Variants in ANTXR2 observed in about 807,000 individuals in gnomAD.
ANTXR2 encodes anthrax toxin receptor 2.
Under a neutral mutation model 73.7 loss-of-function variants are expected in ANTXR2, and 44 were observed. The observed-to-expected ratio is 0.60, with a 90% CI of 0.47 to 0.77. ANTXR2 has a LOEUF of 0.77. Ranked by LOEUF, ANTXR2 falls within the 30% of genes least tolerant of loss-of-function variation. The pLI is 0.00. For missense variants in ANTXR2, 604 were observed against 592.5 expected, an observed-to-expected ratio of 1.02 and a Z score of -0.20; for synonymous variants, 217 against 205.9, an observed-to-expected ratio of 1.05 and a Z score of -0.46.
intron 12 of ANTXR2, among the ~76,000 whole-genome samples, chr4:79,990,706 G>A (rs1195997905): frequency 3.3e-5 from 5 of 152,014 alleles, no homozygotes; most frequent in African/African-American, 1.2e-4. Context: ...AAAAGCAGGA[G>A]GCATCACACT....
chr4:79,949,268 A>C (rs574498897), intron 16 of ANTXR2, among the ~76,000 whole-genome samples: 1 of 152,178 alleles, frequency 6.6e-6, no homozygotes, highest in African/African-American at 2.4e-5. Flanking sequence ...GGGATGACTA[A>C]GAGTTATCTG....
chr4:80,008,426 T>C, intron 12 of ANTXR2, 95 bp downstream of exon 12: 2 of 920,436 alleles, frequency 2.2e-6, no homozygotes, highest in Non-Finnish European at 3.2e-6. Context: ...AACTGAAACT[T>C]TGCTGTTATT....
chr4:80,023,470 T>G (rs1428279131), intron 10 of ANTXR2, among the ~76,000 whole-genome samples: 1 of 152,134 alleles, frequency 6.6e-6, no homozygotes, highest in Non-Finnish European at 1.5e-5. Context: ...CTTGGTAAAA[T>G]GGCTGCAGTA....
At chr4:80,026,066 T>C (rs1346535953) in intron 10 of ANTXR2, among the ~76,000 whole-genome samples, 1 of 152,168 alleles carries the variant, frequency 6.6e-6, no homozygotes. Flanking sequence ...ATTGAGTGCC[T>C]TTCATCCAAA....
At chr4:79,923,044 C>G (rs1482593967) in intron 16 of ANTXR2, among the ~76,000 whole-genome samples, 1 of 151,974 alleles carries the variant, frequency 6.6e-6, no homozygotes, top group Non-Finnish European at 1.5e-5. Context: ...TTTTCACTAT[C>G]ATTTAACAAG....
At chr4:80,067,542 T>C (rs910540296) in intron 3 of ANTXR2, among the ~76,000 whole-genome samples, 4 of 152,200 alleles carry the variant, frequency 2.6e-5, no homozygotes, top group Non-Finnish European at 4.4e-5. Context: ...TTTTTCTGGA[T>C]TGGCTAGATA....
At chr4:80,017,745 A>G (rs1203641311) in intron 11 of ANTXR2, among the ~76,000 whole-genome samples, 1 of 152,178 alleles carries the variant, frequency 6.6e-6, no homozygotes, top group Non-Finnish European at 1.5e-5. Flanking sequence ...AACCACAAAT[A>G]TTTGTAATTT....
chr4:79,931,320 A>AT (rs1728044743), intron 16 of ANTXR2, among the ~76,000 whole-genome samples: 1 of 152,210 alleles, frequency 6.6e-6, no homozygotes, highest in Non-Finnish European at 1.5e-5. Context: ...GCAAATGAAT[A>AT]GAGTTAGCTT....
chr4:79,936,925 T>G (rs183178144), intron 16 of ANTXR2, among the ~76,000 whole-genome samples: 1 of 152,316 alleles, frequency 6.6e-6, no homozygotes, highest in Admixed American at 6.5e-5. Context: ...TTTCTATTTT[T>G]TTCTATCACT....
chr4:79,991,609 C>T (rs1298114289), intron 12 of ANTXR2, among the ~76,000 whole-genome samples: 1 of 152,008 alleles, frequency 6.6e-6, no homozygotes. Context: ...TGGGTATATT[C>T]CCAAAGGAAT....
intron 16 of ANTXR2, among the ~76,000 whole-genome samples, chr4:79,959,121 T>G (rs1374449716): frequency 1.3e-5 from 2 of 152,062 alleles, no homozygotes; most frequent in Non-Finnish European, 2.9e-5. Context: ...TGTTCAAAAT[T>G]TAGCCTAAAG....
intron 16 of ANTXR2, among the ~76,000 whole-genome samples, chr4:79,927,059 G>GTATATA (rs200749407): frequency 6.9e-4 from 92 of 133,250 alleles, no homozygotes; most frequent in African/African-American, 2.1e-3. Flanking sequence ...GCGTGTGTGT[G>GTATATA]TGTATATATA....
chr4:80,058,734 A>G (rs1414622350), intron 3 of ANTXR2, among the ~76,000 whole-genome samples: 1 of 152,082 alleles, frequency 6.6e-6, no homozygotes, highest in Non-Finnish European at 1.5e-5. Context: ...AAGAACAAGA[A>G]GAAAGAAAGG....
At chr4:79,988,229 TTATATATATATATA>T (rs70944756) in intron 12 of ANTXR2, among the ~76,000 whole-genome samples, 17,885 of 68,028 alleles carry the variant, frequency 0.26, 2,138 homozygotes, top group Admixed American at 0.34. Context: ...CACATAAATT[TTATATATATATATA>T]TATATATATA....
chr4:80,051,394 A>G, intron 7 of ANTXR2, among the ~76,000 whole-genome samples: 1 of 151,740 alleles, frequency 6.6e-6, no homozygotes, highest in East Asian at 1.9e-4. Context: ...TAATCATAAC[A>G]CAATGCCTTA....
intron 9 of ANTXR2, among the ~76,000 whole-genome samples, chr4:80,031,999 A>C (rs1732721166): frequency 1.3e-5 from 2 of 151,732 alleles, no homozygotes; most frequent in Non-Finnish European, 3.0e-5. Context: ...GATTTTTAAA[A>C]ACAAATGCTC....
chr4:79,977,892 T>C (rs1729707493), intron 15 of ANTXR2, 115 bp downstream of exon 15: 1 of 1,311,248 alleles, frequency 7.6e-7, no homozygotes. Flanking sequence ...GAGTGTACAA[T>C]GAATATCTGC....
Position 80,071,650 on chromosome 4 carries a change from C to T in ANTXR2, c.157G>A (p.Gly53Arg), listed in dbSNP as rs1043946989. 1 of 1,610,874 alleles carries T rather than the reference C, an allele frequency of 6.2e-7. No individual in the cohort carries two copies. Among genetic ancestry groups the T allele is most frequent in the African/African-American group, 1.3e-5 (1 of 74,862 alleles). ...FDLYFVLDKS[G>R]SVANNWIEIY... The stretch of plus-strand genomic sequence containing the variant: ...TCAATCCAGTTATTTGCCACACTCC[C>T]AGACCTGAAAGATGAAATTGAACTG... Residue 53 changes from glycine (G) to arginine (R), a missense_variant, in exon 2 of 17, where the codon GGG becomes AGG. Gly to Arg is a moderately radical substitution (Grantham distance 125, BLOSUM62 -2). Coordinates refer to ENST00000403729, the MANE Select transcript of ANTXR2 (RefSeq NM_058172.6).
intron 7 of ANTXR2, among the ~76,000 whole-genome samples, chr4:80,041,604 A>T (rs1733252371): frequency 6.6e-6 from 1 of 151,600 alleles, no homozygotes; most frequent in South Asian, 2.1e-4. Context: ...TATTTTTCCT[A>T]ATGTTCTCTC....
Sources: allele counts gnomAD v4.1 joint callset (sites outside exome capture counted in the v4.1 genomes callset), GRCh38; gene constraint gnomAD v4.1.1; transcripts MANE v1.5; gene names NCBI Gene and HGNC (gene_info 2026-07-23, HGNC 2026-07-21).